ADCY9: variants seen among roughly 807,000 people sequenced by gnomAD.
ADCY9 encodes adenylate cyclase type 9.
In ADCY9, 50 loss-of-function variants were observed where a neutral mutation model predicts 101.5. That is an observed-to-expected ratio of 0.49 (90% confidence interval 0.39 to 0.62). The LOEUF is 0.62. Among genes scored for constraint, ADCY9 ranks in the 20% least tolerant of loss-of-function variants. The pLI is 0.00. For synonymous variants in ADCY9, 905 were observed against 769.3 expected, an observed-to-expected ratio of 1.18 and a Z score of -2.92; for missense variants, 1,662 against 1,800.4, an observed-to-expected ratio of 0.92 and a Z score of 1.39.
chr16:4,014,799 C>T (rs984262640), intron 2 of ADCY9, among the ~76,000 whole-genome samples: 40 of 149,054 alleles, frequency 2.7e-4, no homozygotes, highest in South Asian at 4.3e-4. Context: ...CTCTCCCTCC[C>T]GCTTCCCCAC....
chr16:4,073,675 G>A (rs772862259), intron 2 of ADCY9, among the ~76,000 whole-genome samples: 19 of 152,320 alleles, frequency 1.2e-4, no homozygotes, highest in Admixed American at 3.9e-4. Context: ...GGAATAACAG[G>A]CATGAGCCAT....
At chr16:3,985,676 G>A (rs879340453) in intron 6 of ADCY9, among the ~76,000 whole-genome samples, 7 of 152,098 alleles carry the variant, frequency 4.6e-5, no homozygotes, top group East Asian at 1.9e-4. Flanking sequence ...CCAAGGGCTC[G>A]GGTACAGGGC....
In ADCY9 at chr16:3,963,422, CA is replaced by C. The variant is rs2055957274; in HGVS notation, c.*2352del. 1.3e-5 allele frequency: 5 copies of C among 398,312 alleles called. No individual in the cohort carries two copies. Among genetic ancestry groups the C allele is most frequent in the African/African-American group, 2.1e-5 (1 of 48,554 alleles). The allele number at this position is 398,312 out of a possible 1,614,324, so 24.7% of individuals were successfully genotyped here. A position where few individuals can be genotyped will look rare whatever the true frequency, so the allele number is the denominator to read the frequency against. On this transcript the variant is annotated 3_prime_UTR_variant, in exon 11 of 11. Transcript: ENST00000294016. ...TTCTGCACTGAGGTATGCATCGGAG[CA>C]GGGGACGGGGAGGACCCGAGGGGCT...
intron 6 of ADCY9, chr16:3,983,698 G>A (rs530603397): frequency 2.6e-5 from 13 of 507,478 alleles, no homozygotes; most frequent in Middle Eastern, 5.3e-4. Context: ...GGAGGCTGAC[G>A]TAGGAGGGTC....
chr16:4,063,444 C>T (rs2056783745), intron 2 of ADCY9, among the ~76,000 whole-genome samples: 1 of 152,072 alleles, frequency 6.6e-6, no homozygotes, highest in Non-Finnish European at 1.5e-5. Flanking sequence ...AACAGTGGCT[C>T]ACACCTGTAA....
intron 2 of ADCY9, among the ~76,000 whole-genome samples, chr16:4,089,238 C>T (rs1333107041): frequency 6.6e-6 from 1 of 151,920 alleles, no homozygotes; most frequent in Non-Finnish European, 1.5e-5. Context: ...CCATGCCTGG[C>T]TAATTTTTGA....
intron 2 of ADCY9, among the ~76,000 whole-genome samples, chr16:4,071,955 CG>C (rs1479979975): frequency 6.6e-6 from 1 of 152,066 alleles, no homozygotes; most frequent in Non-Finnish European, 1.5e-5. Flanking sequence ...GGATTACAGG[CG>C]ATTCTCTTTC....
chr16:4,018,621 C>T (rs1430794656), intron 2 of ADCY9, among the ~76,000 whole-genome samples: 3 of 152,198 alleles, frequency 2.0e-5, no homozygotes, highest in Admixed American at 1.3e-4. Context: ...TCTCCCAGAT[C>T]GTATCTGCAG....
At chr16:4,027,026 G>T (rs1266805850) in intron 2 of ADCY9, among the ~76,000 whole-genome samples, 2 of 152,132 alleles carry the variant, frequency 1.3e-5, no homozygotes, top group African/African-American at 4.8e-5. Flanking sequence ...AGGTCTTCAG[G>T]TGTAACGTTG....
rs201034530 is a variant in ADCY9 at position 3,990,423 on chromosome 16, G to A, written c.2208-1327C>T. 5.9e-5 allele frequency among the ~76,000 whole-genome samples: 9 copies of A among 151,388 alleles called. No individual in the cohort carries two copies. In the East Asian group the frequency reaches 9.7e-4, roughly 16 times the overall value. ...GGAGGTTGCAATGAGCCAAGATGGC[G>A]CCACTGCATTACAGCCTGGGTGACA... On this transcript the variant is annotated intron_variant, in intron 5 of 10. Transcript: ENST00000294016.
intron 3 of ADCY9, among the ~76,000 whole-genome samples, chr16:3,998,732 A>G (rs1464883143): frequency 2.8e-5 from 4 of 142,194 alleles, no homozygotes; most frequent in East Asian, 2.0e-4. Flanking sequence ...AAAAAAAAAA[A>G]AAAGAAAAGA....
At chr16:3,967,881 A>G (rs2056013694) in intron 10 of ADCY9, among the ~76,000 whole-genome samples, 1 of 151,696 alleles carries the variant, frequency 6.6e-6, no homozygotes, top group South Asian at 2.1e-4. Flanking sequence ...TATTTTTAGT[A>G]GAGACAGGGT....
intron 6 of ADCY9, among the ~76,000 whole-genome samples, chr16:3,988,499 T>TGGGGGATTCCCTTCCAGGGCAGGGGG (rs2056215199): frequency 7.2e-5 from 1 of 13,802 alleles, no homozygotes; most frequent in Non-Finnish European, 1.3e-4. Flanking sequence ...AGGGCAGGTG[T>TGGGGGATTCCCTTCCAGGGCAGGGGG]GGGGGGTTCC....
intron 2 of ADCY9, among the ~76,000 whole-genome samples, chr16:4,092,040 G>A (rs905191075): frequency 1.3e-5 from 2 of 152,220 alleles, no homozygotes; most frequent in Non-Finnish European, 2.9e-5. Context: ...AGGCCGAGGC[G>A]GGCAGATCAT....
At chr16:4,011,386 G>A (rs1004150419) in intron 2 of ADCY9, among the ~76,000 whole-genome samples, 3 of 152,190 alleles carry the variant, frequency 2.0e-5, no homozygotes, top group Non-Finnish European at 4.4e-5. Context: ...CAGGGGGGCG[G>A]GAGGAGAAAG....
At chr16:4,046,868 A>G (rs899120636) in intron 2 of ADCY9, among the ~76,000 whole-genome samples, 3 of 151,988 alleles carry the variant, frequency 2.0e-5, no homozygotes, top group Admixed American at 6.6e-5. Context: ...AAATTATCCA[A>G]GTGTGCTGGC....
At chr16:4,095,834 G>A (rs1004847893) in intron 2 of ADCY9, among the ~76,000 whole-genome samples, 32 of 151,736 alleles carry the variant, frequency 2.1e-4, no homozygotes, top group South Asian at 6.2e-4. Flanking sequence ...AAAATTAGAC[G>A]GGCATGATGT....
At chr16:3,980,794 G>A (rs2238438) in intron 7 of ADCY9, among the ~76,000 whole-genome samples, 52,255 of 152,130 alleles carry the variant, frequency 0.34, 10,178 homozygotes, top group Middle Eastern at 0.49. Context: ...TAGGAGGGGG[G>A]ACAGAGGGAA....
intron 2 of ADCY9, among the ~76,000 whole-genome samples, chr16:4,082,794 A>T (rs1030656239): frequency 1.3e-5 from 2 of 152,250 alleles, no homozygotes; most frequent in Admixed American, 6.5e-5. Flanking sequence ...ACCCGCAGTA[A>T]GTAGCTGGAG....
Sources: gnomAD v4.1 joint callset for allele counts (sites outside exome capture counted in the v4.1 genomes callset) on GRCh38, gnomAD v4.1.1 for gene constraint, MANE v1.5 for transcripts, NCBI Gene and HGNC (gene_info 2026-07-23, HGNC 2026-07-21) for gene names.